NALCN: variants seen among roughly 807,000 people sequenced by gnomAD.
NALCN encodes the protein sodium leak channel, non-selective, also known as sodium leak channel NALCN.
In NALCN, 111 loss-of-function variants were observed where a neutral mutation model predicts 225.3. The ratio of observed to expected loss-of-function variants is 0.49; its 90% CI spans 0.42 to 0.58. The LOEUF (loss-of-function observed/expected upper bound fraction) is 0.58, where lower values mean the gene tolerates loss of function less well. Ranked by LOEUF, NALCN falls within the 20% of genes least tolerant of loss-of-function variation. The pLI is 0.00. For missense variants in NALCN, 1,378 were observed against 2,202.4 expected (o/e 0.63, Z 7.49); for synonymous variants, 764 against 769.0 (o/e 0.99, Z 0.11).
At chr13:101,250,872 T>C (rs926093483) in intron 11 of NALCN, among the ~76,000 whole-genome samples, 2 of 151,778 alleles carry the variant, frequency 1.3e-5, no homozygotes, top group East Asian at 1.9e-4. Flanking sequence ...GGCAAAATTA[T>C]AGAAGAGGAA....
intron 27 of NALCN, among the ~76,000 whole-genome samples, chr13:101,097,385 A>G (rs1463320396): frequency 6.6e-6 from 1 of 152,152 alleles, no homozygotes. Context: ...TATGTAGAAC[A>G]TTATTTGGAA....
rs2139397262 is a variant in NALCN, at chr13:101,370,156, A to T, written c.644+6544T>A. On this transcript the variant is annotated intron_variant, in intron 6 of 43. Coordinates refer to ENST00000251127, the MANE Select transcript of NALCN (RefSeq NM_052867.4). ...AAGGATAAAAAGATGAATATAACAC[A>T]ATATCCTCTTTACCTTTCTCATACG... Among the ~76,000 whole-genome samples, 2 of 152,316 alleles carry T rather than the reference A, an allele frequency of 1.3e-5. 1 individual carries two copies. Among genetic ancestry groups the T allele is most frequent in the South Asian group, 4.1e-4 (2 of 4,832 alleles).
intron 13 of NALCN, among the ~76,000 whole-genome samples, chr13:101,209,450 G>C (rs915413911): frequency 6.6e-6 from 1 of 152,112 alleles, no homozygotes; most frequent in Non-Finnish European, 1.5e-5. Flanking sequence ...GTGTCCTCAT[G>C]ATGAGCCTTT....
At chr13:101,178,287 G>A (rs146071043) in intron 14 of NALCN, among the ~76,000 whole-genome samples, 1 of 152,214 alleles carries the variant, frequency 6.6e-6, no homozygotes, top group East Asian at 1.9e-4. Flanking sequence ...ACTGGAGCAG[G>A]CATTGTTCTG....
intron 37 of NALCN, among the ~76,000 whole-genome samples, chr13:101,072,425 TC>T (rs1198438425): frequency 1.3e-5 from 2 of 152,220 alleles, no homozygotes; most frequent in Admixed American, 1.3e-4. Flanking sequence ...ACTTAAGTCA[TC>T]AAAAACTCTC....
intron 3 of NALCN, among the ~76,000 whole-genome samples, chr13:101,392,442 AC>A (rs2047173156): frequency 6.6e-6 from 1 of 152,224 alleles, no homozygotes; most frequent in South Asian, 2.1e-4. Context: ...TAAACATTTG[AC>A]AAATTAAAAA....
At chr13:101,132,038 T>A (rs1474394806) in intron 17 of NALCN, among the ~76,000 whole-genome samples, 2 of 152,136 alleles carry the variant, frequency 1.3e-5, no homozygotes, top group Admixed American at 1.3e-4. Context: ...TCTTTCTTTC[T>A]GCTATCTTAG....
intron 42 of NALCN, 61 bp downstream of exon 42, chr13:101,059,757 T>C: frequency 2.6e-6 from 4 of 1,512,704 alleles, no homozygotes; most frequent in Non-Finnish European, 3.6e-6. Flanking sequence ...TTTTATTTAT[T>C]TTTATTAAAA....
At chr13:101,313,938 T>C (rs2044453508) in intron 7 of NALCN, among the ~76,000 whole-genome samples, 1 of 151,928 alleles carries the variant, frequency 6.6e-6, no homozygotes, top group South Asian at 2.1e-4. Flanking sequence ...GAGACTGGAT[T>C]AGGAAAATGT....
chr13:101,238,000 T>G, intron 11 of NALCN, 78 bp from the exon 12 acceptor site: 1 of 1,405,664 alleles, frequency 7.1e-7, no homozygotes, highest in African/African-American at 1.5e-5. Context: ...TTTGTCAGTG[T>G]ATGAATTTTT....
chr13:101,283,991 C>T lies in NALCN; in HGVS notation c.1076G>A (p.Trp359Ter). The T allele has an allele frequency of 6.2e-7, 1 of 1,613,570 alleles. No individual in the cohort carries two copies. The highest frequency in any genetic ancestry group is 8.5e-7 in the Non-Finnish European group (1 of 1,179,850). Residue 359 changes from tryptophan to a stop codon, truncating the protein, a stop_gained, in exon 10 of 44, where the codon TGG becomes TAG. Transcript: ENST00000251127. LOFTEE classifies it high-confidence loss of function. Reference sequence around the variant, plus strand: ...GTTGACATCCACAGCTACCAGCTGCCAACCTCCAGCAGCATCTTCATGAAA... The same window carrying T: ...GTTGACATCCACAGCTACCAGCTGCTAACCTCCAGCAGCATCTTCATGAAA... ...QMFHEDAAGGWQLVAVDVNKP... is the reference protein window; with the variant it reads ...QMFHEDAAGG
chr13:101,381,095 T>C (rs530987312), intron 3 of NALCN, among the ~76,000 whole-genome samples: 3 of 152,210 alleles, frequency 2.0e-5, no homozygotes, highest in Admixed American at 1.3e-4. Flanking sequence ...GGCAAGGTAA[T>C]CAACCAAACT....
intron 6 of NALCN, among the ~76,000 whole-genome samples, chr13:101,346,458 G>A (rs1260308681): frequency 6.6e-6 from 1 of 151,978 alleles, no homozygotes; most frequent in African/African-American, 2.4e-5. Flanking sequence ...TTTGCAGTAC[G>A]AATACTACGA....
At chr13:101,146,474 T>C (rs1416441789) in intron 15 of NALCN, among the ~76,000 whole-genome samples, 1 of 152,164 alleles carries the variant, frequency 6.6e-6, no homozygotes, top group African/African-American at 2.4e-5. Context: ...GGTACACAGT[T>C]AGAAAAATGA....
At chr13:101,231,435 T>C (rs2140138566) in intron 12 of NALCN, among the ~76,000 whole-genome samples, 1 of 152,326 alleles carries the variant, frequency 6.6e-6, no homozygotes, top group Admixed American at 6.5e-5. Flanking sequence ...GATTAGTATG[T>C]ATAAATTAGT....
intron 1 of NALCN, among the ~76,000 whole-genome samples, chr13:101,408,515 A>G (rs961219000): frequency 1.3e-5 from 2 of 152,218 alleles, no homozygotes; most frequent in African/African-American, 4.8e-5. Flanking sequence ...CACCCTGGGC[A>G]TCACAGCGGC....
intron 37 of NALCN, among the ~76,000 whole-genome samples, chr13:101,073,342 C>T (rs2033028126): frequency 6.6e-6 from 1 of 152,124 alleles, no homozygotes; most frequent in Admixed American, 6.5e-5. Flanking sequence ...AAGAACAACA[C>T]TCACAAAATG....
At chr13:101,186,116 T>C (rs1029762483) in intron 14 of NALCN, among the ~76,000 whole-genome samples, 1 of 152,218 alleles carries the variant, frequency 6.6e-6, no homozygotes, top group African/African-American at 2.4e-5. Context: ...GCCCACAGAC[T>C]ATCTCCAGCT....
intron 13 of NALCN, among the ~76,000 whole-genome samples, chr13:101,210,554 TC>T (rs2040485877): frequency 6.6e-6 from 1 of 152,180 alleles, no homozygotes; most frequent in Non-Finnish European, 1.5e-5. Context: ...GTCTGGAAAG[TC>T]GCAAAAGACT....
Sources: gnomAD v4.1 joint callset for allele counts (sites outside exome capture counted in the v4.1 genomes callset) on GRCh38, gnomAD v4.1.1 for gene constraint, MANE v1.5 for transcripts, NCBI Gene and HGNC (gene_info 2026-07-23, HGNC 2026-07-21) for gene names.